Variants in CHRNA5 observed in about 807,000 individuals in gnomAD.
The protein encoded by CHRNA5 is neuronal acetylcholine receptor subunit alpha-5.
Under a neutral mutation model 41.2 loss-of-function variants are expected in CHRNA5, and 28 were observed. That is an observed-to-expected ratio of 0.68 (90% CI 0.50 to 0.93). The LOEUF (loss-of-function observed/expected upper bound fraction) is 0.93, where lower values mean the gene tolerates loss of function less well. Ranked by LOEUF, CHRNA5 falls within the 40% of genes least tolerant of loss-of-function variation. The pLI, the probability that CHRNA5 is intolerant of heterozygous loss-of-function variation, is 0.00. For missense variants in CHRNA5, 481 were observed against 581.9 expected (o/e 0.83, Z 1.78); for synonymous variants, 188 against 205.8 (o/e 0.91, Z 0.74).
chr15:78,595,264 TCGAC>T (rs1194433927), exon 6 of CHRNA5: 1 of 983,506 alleles, frequency 1.0e-6, no homozygotes, highest in African/African-American at 1.7e-5. Context: ...TAAATTTTTA[TCGAC>T]ATCTTTCTTT....
At chr15:78,590,937 C>T in intron 5 of CHRNA5, 1 of 307,162 alleles carries the variant, frequency 3.3e-6, no homozygotes. Context: ...TATTTCTTGG[C>T]TCTGACCTGA....
At chr15:78,581,077 T>G in intron 2 of CHRNA5, 115 bp downstream of exon 2, 2 of 1,017,762 alleles carry the variant, frequency 2.0e-6, no homozygotes, top group Non-Finnish European at 2.8e-6. Flanking sequence ...AGCAGTCCTT[T>G]GCCTGAAGGA....
chr15:78,568,477 A>ATTT (rs1291546657), intron 1 of CHRNA5, among the ~76,000 whole-genome samples: 5,368 of 83,820 alleles, frequency 0.064, 321 homozygotes, highest in African/African-American at 0.15. Context: ...TTTTTTTTTA[A>ATTT]AATATTACTT....
exon 1 of CHRNA5, chr15:78,565,533 G>T (rs202210732): frequency 1.9e-5 from 4 of 207,926 alleles, no homozygotes; most frequent in Non-Finnish European, 3.8e-5. Context: ...TGCGTCCCGA[G>T]CCCGCCAGAA....
chr15:78,590,588 TA>T lies in CHRNA5; in HGVS notation c.1198del (p.Ile400PhefsTer9). The T allele has an allele frequency of 6.2e-7, 1 of 1,614,174 alleles. No homozygotes were observed. ...ACACATTGGAAGCTGCGCTCGATTC[TA>T]TTCGCTACATTACAAGACACATCAT... On this transcript the variant is annotated frameshift_variant, in exon 5 of 6. Coordinates refer to ENST00000299565, the Ensembl canonical transcript of CHRNA5. LOFTEE classifies it high-confidence loss of function.
intron 1 of CHRNA5, among the ~76,000 whole-genome samples, chr15:78,571,018 C>T (rs2052799613): frequency 6.6e-6 from 1 of 152,164 alleles, no homozygotes; most frequent in Non-Finnish European, 1.5e-5. Context: ...TCTTGTTGAC[C>T]AGGGCTTCTG....
At chr15:78,574,897 CAGG>C (rs2052843223) in intron 1 of CHRNA5, among the ~76,000 whole-genome samples, 1 of 149,580 alleles carries the variant, frequency 6.7e-6, no homozygotes, top group Non-Finnish European at 1.5e-5. Context: ...TGCTTGAGCA[CAGG>C]AGATCGAGGC....
At chr15:78,570,888 G>A (rs1177688696) in intron 1 of CHRNA5, among the ~76,000 whole-genome samples, 1 of 152,150 alleles carries the variant, frequency 6.6e-6, no homozygotes, top group Non-Finnish European at 1.5e-5. Context: ...CAGCATACTG[G>A]TCTCTAGCCA....
intron 1 of CHRNA5, among the ~76,000 whole-genome samples, chr15:78,571,957 C>T (rs1379479188): frequency 1.3e-5 from 2 of 151,944 alleles, no homozygotes; most frequent in East Asian, 3.8e-4. Context: ...CTTAAAATAG[C>T]CCTCCTAGGA....
rs571876682 is a variant in CHRNA5, at chr15:78,580,102, G to A, written c.107-709G>A. On this transcript the variant is annotated intron_variant, in intron 1 of 5. Coordinates refer to ENST00000299565, the Ensembl canonical transcript of CHRNA5. ...CAAGACCAGTCTGGCCAACATGGTG[G>A]AACCCCGTCTCTACTAAAAATACAA... Among the ~76,000 whole-genome samples, 167 of 151,558 alleles carry A rather than the reference G, an allele frequency of 1.1e-3. 2 individuals carry two copies. In the South Asian group the frequency reaches 0.014, roughly 13 times the overall value.
intron 1 of CHRNA5, among the ~76,000 whole-genome samples, chr15:78,571,577 C>CTTTT (rs2052805265): frequency 8.4e-6 from 1 of 119,694 alleles, no homozygotes. Flanking sequence ...TGATGCTCTG[C>CTTTT]CTTTTTTTTT....
At chr15:78,590,513 C>A (rs745450184) in exon 5 of CHRNA5, 5 of 1,614,208 alleles carry the variant, frequency 3.1e-6, no homozygotes, top group Non-Finnish European at 4.2e-6. Flanking sequence ...ACAGGTACTT[C>A]ACTCAGAAAG....
chr15:78,580,777 C>A, intron 1 of CHRNA5, 34 bp from the exon 2 acceptor site: 1 of 1,559,402 alleles, frequency 6.4e-7, no homozygotes, highest in Non-Finnish European at 8.8e-7. Flanking sequence ...GGGAGAGAAG[C>A]GAGTACATTA....
Position 78,590,786 on chromosome 15 carries a change from G to C in CHRNA5, c.1245+150G>C, listed in dbSNP as rs71528535. 6.1e-4 allele frequency: 407 copies of C among 668,254 alleles called. 3 individuals carry two copies. The highest frequency in any genetic ancestry group is 2.4e-3 in the Middle Eastern group (6 of 2,510). The allele number at this position is 668,254 out of a possible 1,614,324, so 41.4% of individuals were successfully genotyped here. A position where few individuals can be genotyped will look rare whatever the true frequency, so the allele number is the denominator to read the frequency against. ...AATTGTTGACATATTTTCTATAAAA[G>C]ATCTTTACTAAGGCTTGTTTCAGTT... On this transcript the variant is annotated intron_variant, in intron 5 of 5. Transcript: ENST00000299565.
intron 5 of CHRNA5, among the ~76,000 whole-genome samples, chr15:78,591,999 A>AAGG (rs1005311901): frequency 2.6e-5 from 4 of 152,252 alleles, no homozygotes; most frequent in African/African-American, 7.2e-5. Context: ...TACTAGGACC[A>AAGG]AGGAGGTTGG....
chr15:78,576,501 A>G (rs1319840171), intron 1 of CHRNA5, among the ~76,000 whole-genome samples: 2 of 152,312 alleles, frequency 1.3e-5, no homozygotes, highest in Admixed American at 6.5e-5. Context: ...GTAATAATGT[A>G]ATAAGTAAGG....
intron 3 of CHRNA5, among the ~76,000 whole-genome samples, chr15:78,587,679 G>A (rs1050137402): frequency 6.6e-6 from 1 of 151,976 alleles, no homozygotes; most frequent in Non-Finnish European, 1.5e-5. Flanking sequence ...TTTTTTAATA[G>A]ATAGTCCCTT....
chr15:78,580,659 C>A, intron 1 of CHRNA5, 152 bp from the exon 2 acceptor site: 1 of 428,742 alleles, frequency 2.3e-6, no homozygotes, highest in Non-Finnish European at 4.1e-6. Flanking sequence ...TTTTTTGAGA[C>A]AGAGTCTCTC....
chr15:78,569,442 T>C (rs2052779470), intron 1 of CHRNA5, among the ~76,000 whole-genome samples: 1 of 151,390 alleles, frequency 6.6e-6, no homozygotes, highest in Non-Finnish European at 1.5e-5. Flanking sequence ...ATTTTTTTTT[T>C]TTTTTTTTTG....
Sources: allele counts gnomAD v4.1 joint callset (sites outside exome capture counted in the v4.1 genomes callset), GRCh38; gene constraint gnomAD v4.1.1; transcripts MANE v1.5; gene names NCBI Gene and HGNC (gene_info 2026-07-23, HGNC 2026-07-21).